HEMK2: variants seen among roughly 807,000 people sequenced by gnomAD.
HEMK2 encodes the protein HemK methyltransferase 2, ETF1 glutamine and histone H4 lysine.
chr21:28,735,200 A>G, the HEMK2 span, among the ~76,000 whole-genome samples: 95 of 152,346 alleles, frequency 6.2e-4, no homozygotes, highest in African/African-American at 2.2e-3. Context: ...GCACCTTAAC[A>G]CAACACTCAT....
chr21:28,810,774 T>C, the HEMK2 span, among the ~76,000 whole-genome samples: 1 of 152,164 alleles, frequency 6.6e-6, no homozygotes, highest in Non-Finnish European at 1.5e-5. Context: ...ACTGTGGTGA[T>C]TTCCCTTCAG....
chr21:28,607,467 T>A, the HEMK2 span, among the ~76,000 whole-genome samples: 1 of 152,136 alleles, frequency 6.6e-6, no homozygotes, highest in Non-Finnish European at 1.5e-5. Flanking sequence ...AAAATGTTGT[T>A]GAGGAAAACT....
chr21:28,610,117 T>C, the HEMK2 span, among the ~76,000 whole-genome samples: 1 of 152,138 alleles, frequency 6.6e-6, no homozygotes, highest in African/African-American at 2.4e-5. Flanking sequence ...AGGTTGTTTA[T>C]AGTCACGACA....
chr21:28,682,161 G>A, the HEMK2 span, among the ~76,000 whole-genome samples: 1 of 151,750 alleles, frequency 6.6e-6, no homozygotes, highest in Non-Finnish European at 1.5e-5. Context: ...ATCTGACAAA[G>A]GGCTAATATC....
the HEMK2 span, among the ~76,000 whole-genome samples, chr21:28,609,611 C>A: frequency 8.1e-6 from 1 of 123,610 alleles, no homozygotes; most frequent in African/African-American, 3.0e-5. Context: ...TTAAGCCAAT[C>A]AAGGAGGCAC....
At chr21:28,840,529 C>G in the HEMK2 span, among the ~76,000 whole-genome samples, 1 of 151,960 alleles carries the variant, frequency 6.6e-6, no homozygotes, top group South Asian at 2.1e-4. Context: ...ACAATCTTAT[C>G]AAAAAGTGGG....
chr21:28,814,992 A>T, the HEMK2 span, among the ~76,000 whole-genome samples: 1 of 152,178 alleles, frequency 6.6e-6, no homozygotes, highest in Non-Finnish European at 1.5e-5. Flanking sequence ...AATGTCCAAC[A>T]ATGATAGACT....
the HEMK2 span, among the ~76,000 whole-genome samples, chr21:28,822,870 T>C: frequency 8.1e-6 from 1 of 122,832 alleles, no homozygotes; most frequent in Non-Finnish European, 1.5e-5. Flanking sequence ...CGTCCATTAC[T>C]CCATTCGATT....
At chr21:28,755,308 C>T in the HEMK2 span, among the ~76,000 whole-genome samples, 1 of 152,210 alleles carries the variant, frequency 6.6e-6, no homozygotes, top group Non-Finnish European at 1.5e-5. Flanking sequence ...GCTTAATCCT[C>T]ATTTGTTGAA....
chr21:28,786,926 G>A, the HEMK2 span, among the ~76,000 whole-genome samples: 15 of 151,946 alleles, frequency 9.9e-5, 1 homozygote, highest in South Asian at 2.3e-3. Flanking sequence ...AGAAAAAACA[G>A]TTCTAAAATT....
At chr21:28,741,451 A>C in the HEMK2 span, among the ~76,000 whole-genome samples, 34,772 of 152,072 alleles carry the variant, frequency 0.23, 4,612 homozygotes, top group African/African-American at 0.35. Flanking sequence ...TTACATAGGT[A>C]AACTTGTGTC....
At chr21:28,766,787 G>A in the HEMK2 span, among the ~76,000 whole-genome samples, 1 of 152,076 alleles carries the variant, frequency 6.6e-6, no homozygotes, top group African/African-American at 2.4e-5. Flanking sequence ...TTATAAGTGG[G>A]AGCTAAGTTA....
the HEMK2 span, among the ~76,000 whole-genome samples, chr21:28,617,423 T>A: frequency 6.6e-6 from 1 of 152,200 alleles, no homozygotes; most frequent in South Asian, 2.1e-4. Context: ...CCCTTAATGG[T>A]GTCAGTATCA....
At chr21:28,833,757 T>C in the HEMK2 span, among the ~76,000 whole-genome samples, 43 of 152,358 alleles carry the variant, frequency 2.8e-4, no homozygotes, top group Non-Finnish European at 4.4e-5. Context: ...GACTGAATCC[T>C]GCCTCTATCG....
chr21:28,618,138 T>C, the HEMK2 span, among the ~76,000 whole-genome samples: 13 of 152,288 alleles, frequency 8.5e-5, no homozygotes, highest in East Asian at 2.5e-3. Context: ...AATCAAGAGC[T>C]ATCAAAATTA....
At chr21:28,851,197 T>G in the HEMK2 span, among the ~76,000 whole-genome samples, 17 of 152,208 alleles carry the variant, frequency 1.1e-4, no homozygotes, top group South Asian at 6.2e-4. Context: ...AGGGCCTTAC[T>G]CCAAATCCTA....
the HEMK2 span, chr21:28,876,031 C>T: frequency 0.17 from 28,083 of 163,520 alleles, 2,530 homozygotes; most frequent in South Asian, 0.22. Flanking sequence ...ACCGGAGATA[C>T]GACAATGAAG....
chr21:28,688,025 A>G, the HEMK2 span, among the ~76,000 whole-genome samples: 2 of 152,240 alleles, frequency 1.3e-5, no homozygotes, highest in Non-Finnish European at 2.9e-5. Context: ...CTGGTTAAAA[A>G]TAAAGCTTCC....
the HEMK2 span, among the ~76,000 whole-genome samples, chr21:28,765,333 T>C: frequency 7.6e-3 from 1,163 of 152,216 alleles, 14 homozygotes; most frequent in African/African-American, 0.026. Context: ...AAGAGCCAGC[T>C]ATGGTACACT....
Sources: gnomAD v4.1 joint callset for allele counts (sites outside exome capture counted in the v4.1 genomes callset) on GRCh38, gnomAD v4.1.1 for gene constraint, MANE v1.5 for transcripts, NCBI Gene and HGNC (gene_info 2026-07-23, HGNC 2026-07-21) for gene names.